Variants in CTSB observed in about 807,000 individuals in gnomAD.
The protein encoded by CTSB is APP secretase.
CTSB carries 57 observed loss-of-function variants against 44.3 expected under a neutral mutation model. That is an observed-to-expected ratio of 1.29 (90% CI 1.04 to 1.60). The LOEUF is 1.60. Ranked by LOEUF, CTSB falls within the 40% of genes most tolerant of loss-of-function variation. The pLI is 0.00. For missense variants in CTSB, 768 were observed against 443.0 expected, an observed-to-expected ratio of 1.73 and a Z score of -6.59; for synonymous variants, 320 against 168.0, an observed-to-expected ratio of 1.91 and a Z score of -7.00.
intron 1 of CTSB, among the ~76,000 whole-genome samples, chr8:11,855,944 C>A (rs1270484791): frequency 6.6e-6 from 1 of 152,142 alleles, no homozygotes; most frequent in East Asian, 1.9e-4. Flanking sequence ...CTTCAACTCA[C>A]TTGAACCCAG....
intron 1 of CTSB, among the ~76,000 whole-genome samples, chr8:11,866,537 T>C (rs986580416): frequency 3.9e-5 from 6 of 152,206 alleles, no homozygotes; most frequent in Non-Finnish European, 8.8e-5. Flanking sequence ...CCCAGCCCCT[T>C]TCTCCAGGAG....
At chr8:11,854,252 G>C (rs1443626383) in intron 1 of CTSB, among the ~76,000 whole-genome samples, 2 of 152,128 alleles carry the variant, frequency 1.3e-5, no homozygotes, top group Non-Finnish European at 2.9e-5. Context: ...CGGGGAGCTG[G>C]GTGAGGCAGG....
chr8:11,851,964 G>A (rs1472928917), intron 3 of CTSB, among the ~76,000 whole-genome samples: 1 of 152,186 alleles, frequency 6.6e-6, no homozygotes, highest in African/African-American at 2.4e-5. Context: ...ACCATACTTG[G>A]CCTCATCTGG....
chr8:11,866,582 C>A, intron 1 of CTSB, among the ~76,000 whole-genome samples: 1 of 152,240 alleles, frequency 6.6e-6, no homozygotes, highest in East Asian at 1.9e-4. Context: ...CCAGAGCCAA[C>A]AAGAAACAGT....
At chr8:11,864,225 T>C (rs1816794809) in intron 1 of CTSB, among the ~76,000 whole-genome samples, 1 of 150,188 alleles carries the variant, frequency 6.7e-6, no homozygotes, top group Admixed American at 6.7e-5. Flanking sequence ...ATCCCAGCAT[T>C]TGGAAGGCCT....
chr8:11,851,123 C>A (rs1032522461), intron 3 of CTSB, 143 bp from the exon 4 acceptor site: 8 of 345,432 alleles, frequency 2.3e-5, no homozygotes, highest in African/African-American at 1.7e-4. Context: ...GACAGGTGTC[C>A]TTGGTAATTT....
At chr8:11,845,435 G>C (rs1374646344) in intron 9 of CTSB, among the ~76,000 whole-genome samples, 3 of 152,186 alleles carry the variant, frequency 2.0e-5, no homozygotes, top group African/African-American at 7.2e-5. Context: ...ACAGGATCTG[G>C]CGCGATGCTG....
intron 1 of CTSB, among the ~76,000 whole-genome samples, chr8:11,860,755 G>C (rs1816292005): frequency 6.6e-6 from 1 of 152,252 alleles, no homozygotes; most frequent in South Asian, 2.1e-4. Context: ...AAGGTGGGGA[G>C]ACTGTGAAGG....
intron 3 of CTSB, among the ~76,000 whole-genome samples, chr8:11,852,356 G>C (rs1348574831): frequency 1.3e-5 from 2 of 152,152 alleles, no homozygotes; most frequent in African/African-American, 4.8e-5. Context: ...GGGTGACAGA[G>C]TGAGACTCTC....
chr8:11,847,551 C>T (rs958476139), intron 7 of CTSB, 128 bp downstream of exon 7: 4 of 1,038,886 alleles, frequency 3.9e-6, no homozygotes. Context: ...GCATCACTCC[C>T]CCTCCTCTAT....
At chr8:11,850,248 A>G (rs967845565) in intron 4 of CTSB, among the ~76,000 whole-genome samples, 3 of 151,890 alleles carry the variant, frequency 2.0e-5, no homozygotes, top group African/African-American at 4.8e-5. Context: ...GCAAAACCCC[A>G]TCTCTACTAA....
chr8:11,851,038 C>A, intron 3 of CTSB, 58 bp from the exon 4 acceptor site: 1 of 1,276,486 alleles, frequency 7.8e-7, no homozygotes, highest in South Asian at 1.3e-5. Flanking sequence ...TCCCCAATCC[C>A]TGCAAAGGCC....
At chr8:11,867,466 C>G (rs146256879) in intron 1 of CTSB, 1 of 152,328 alleles carries the variant, frequency 6.6e-6, no homozygotes, top group Non-Finnish European at 1.5e-5. Flanking sequence ...TCAACAGGAC[C>G]TGTCTTCTGG....
At chr8:11,846,536 C>A in intron 8 of CTSB, 1 of 153,658 alleles carries the variant, frequency 6.5e-6, no homozygotes. Context: ...GTCCAGATTC[C>A]TTGGTTGGAG....
chr8:11,853,640 CCT>C, intron 1 of CTSB, 161 bp from the exon 2 acceptor site: 1 of 679,432 alleles, frequency 1.5e-6, no homozygotes, highest in African/African-American at 1.8e-5. Flanking sequence ...TCCCCGCCCC[CCT>C]GCCCGAAGCA....
chr8:11,847,262 A>T, intron 7 of CTSB, 94 bp from the exon 8 acceptor site: 1 of 805,948 alleles, frequency 1.2e-6, no homozygotes, highest in South Asian at 1.5e-5. Flanking sequence ...GGTGGCCTCC[A>T]GGGGAAGACT....
intron 8 of CTSB, among the ~76,000 whole-genome samples, chr8:11,846,698 A>G (rs2130993611): frequency 6.6e-6 from 1 of 152,342 alleles, no homozygotes; most frequent in Admixed American, 6.5e-5. Flanking sequence ...ACATGCTGGT[A>G]AAGCAATGCA....
At chr8:11,866,968 A>C (rs547269490) in intron 1 of CTSB, among the ~76,000 whole-genome samples, 5 of 152,258 alleles carry the variant, frequency 3.3e-5, no homozygotes, top group African/African-American at 1.2e-4. Context: ...CAGGCTACAA[A>C]AAGGTGCCAG....
At position 11,847,127 on chromosome 8, in the gene CTSB, T is replaced by TG. The variant is rs1276475642; in HGVS notation, c.717dup (p.Met240HisfsTer64). 1.2e-6 allele frequency: 2 copies of TG among 1,611,420 alleles called. No homozygotes were observed. Among genetic ancestry groups the TG allele is most frequent in the Admixed American group, 3.3e-5 (2 of 59,822 alleles). ...GGGCCGTTTTTGTAGATCTCGGCCA[T>TG]GATGTCCTTCTCGCTATTGGAGACG... On this transcript the variant is annotated frameshift_variant, in exon 8 of 10. Transcript: ENST00000353047. LOFTEE classifies it high-confidence loss of function.
Sources: allele counts gnomAD v4.1 joint callset (sites outside exome capture counted in the v4.1 genomes callset), GRCh38; gene constraint gnomAD v4.1.1; transcripts MANE v1.5; gene names NCBI Gene and HGNC (gene_info 2026-07-23, HGNC 2026-07-21).